Variants in ZBTB16 observed in about 807,000 individuals in gnomAD.
The protein encoded by ZBTB16 is zinc finger and BTB domain containing 16.
In ZBTB16, 8 loss-of-function variants were observed where a neutral mutation model predicts 56.8. The ratio of observed to expected loss-of-function variants is 0.14; its 90% CI spans 0.08 to 0.25. ZBTB16 has a LOEUF of 0.25. Among genes scored for constraint, ZBTB16 ranks in the 10% least tolerant of loss-of-function variants. ZBTB16 has a pLI of 1.00. For synonymous variants in ZBTB16, 363 were observed against 368.5 expected, an observed-to-expected ratio of 0.98 and a Z score of 0.17; for missense variants, 625 against 903.0, an observed-to-expected ratio of 0.69 and a Z score of 3.95.
At chr11:114,209,723 C>A (rs1273856900) in intron 4 of ZBTB16, 1 of 985,272 alleles carries the variant, frequency 1.0e-6, no homozygotes, top group Non-Finnish European at 1.2e-6. Flanking sequence ...AATTTCAGGC[C>A]CCCAGGCATG....
chr11:114,133,211 G>T (rs562370466), intron 2 of ZBTB16, among the ~76,000 whole-genome samples: 3 of 152,098 alleles, frequency 2.0e-5, no homozygotes, highest in Admixed American at 2.0e-4. Flanking sequence ...TGGTGGACGG[G>T]TCCATTTACA....
At chr11:114,145,144 A>G (rs550270012) in intron 2 of ZBTB16, among the ~76,000 whole-genome samples, 1 of 152,366 alleles carries the variant, frequency 6.6e-6, no homozygotes, top group African/African-American at 2.4e-5. Flanking sequence ...CAGCAGAGGA[A>G]ATCTTTATTC....
Position 114,064,494 on chromosome 11 carries a change from G to T in ZBTB16, c.1194G>T (p.Glu398Asp). The change falls in exon 2 of 7, where the codon GAG (glutamate) becomes GAT (aspartate). Residue 398 changes from glutamate to aspartate, a missense_variant. Around this residue, in one of 6 missense-constraint regions of ZBTB16, gnomAD observed 384 missense variants for 393.5 expected, o/e 0.98. Coordinates refer to ENST00000335953, the MANE Select transcript of ZBTB16 (RefSeq NM_006006.6). This position sits in a 1 kb window ranked among gnomAD's most constrained non-coding sequence, Gnocchi z 4.2. ...AGCTGGCTGTGGGCATGAAGTCAGA[G>T]AGCCGGACCATCGGAGAGCAGTGCA... is the stretch of plus-strand genomic sequence containing the variant. ...LGELAVGMKS[E>D]SRTIGEQCSV... 2 of 1,614,144 alleles carry T rather than the reference G, an allele frequency of 1.2e-6. No homozygotes were observed. Among genetic ancestry groups the T allele is most frequent in the South Asian group, 1.1e-5 (1 of 91,080 alleles).
chr11:114,064,153 C>T lies in ZBTB16; in HGVS notation c.853C>T (p.Arg285Ter). The change falls in exon 2 of 7, where the codon CGA becomes TGA. Residue 285 changes from arginine (R) to a stop codon, truncating the protein, a stop_gained. Coordinates refer to ENST00000335953, the MANE Select transcript of ZBTB16 (RefSeq NM_006006.6). LOFTEE classifies it high-confidence loss of function. This position sits in a 1 kb window ranked among gnomAD's most constrained non-coding sequence, Gnocchi z 4.2. Reference protein sequence around the residue: ...RGKEGPGTPTRSSVITSAREL... With the variant: ...RGKEGPGTPT ...CAAAGAGGGGCCTGGGACCCCGACT[C>T]GAAGCAGCGTCATCACCAGTGCTAG... The T allele has an allele frequency of 6.2e-7, 1 of 1,613,772 alleles. No individual in the cohort carries two copies. The highest frequency in any genetic ancestry group is 8.5e-7 in the Non-Finnish European group (1 of 1,180,008).
chr11:114,065,566 A>G (rs1318697009), intron 2 of ZBTB16, among the ~76,000 whole-genome samples: 2 of 152,102 alleles, frequency 1.3e-5, no homozygotes, highest in African/African-American at 4.8e-5. Context: ...ACAGGCACGC[A>G]CCACCATACC....
Position 114,255,735 on chromosome 11 carries a change from G to A in ZBTB16, c.*5180G>A, listed in dbSNP as rs201816653. On this transcript the variant is annotated 3_prime_UTR_variant, in exon 7 of 7. Transcript: ENST00000335953. ...ACAAGATTTAAAAAAAAAAAAAAAG[G>A]AAAAAAAAAGAAAAAATGAATTTAC... is the stretch of plus-strand genomic sequence containing the variant. Among the ~76,000 whole-genome samples, 12 of 140,284 alleles carry A rather than the reference G, an allele frequency of 8.6e-5. No homozygotes were observed. The highest frequency in any genetic ancestry group is 2.3e-4 in the South Asian group (1 of 4,310). The allele number at this position is 140,284 out of a possible 152,430, so 92.0% of individuals were successfully genotyped here.
intron 2 of ZBTB16, among the ~76,000 whole-genome samples, chr11:114,105,569 G>A (rs1940762682): frequency 6.6e-6 from 1 of 152,174 alleles, no homozygotes; most frequent in Non-Finnish European, 1.5e-5. Context: ...GCTGAGTGGG[G>A]CTGCTTTTTG....
chr11:114,207,183 T>C (rs556978214), intron 4 of ZBTB16, among the ~76,000 whole-genome samples: 1 of 152,234 alleles, frequency 6.6e-6, no homozygotes, highest in Admixed American at 6.5e-5. Flanking sequence ...CTCTCTCTTA[T>C]CCTTCAAAGC....
chr11:114,208,176 C>T (rs1336075692), intron 4 of ZBTB16, among the ~76,000 whole-genome samples: 1 of 152,158 alleles, frequency 6.6e-6, no homozygotes, highest in South Asian at 2.1e-4. Context: ...GCTATCTTGC[C>T]ACTGCACGAG....
intron 2 of ZBTB16, among the ~76,000 whole-genome samples, chr11:114,135,466 C>T (rs112127103): frequency 6.6e-5 from 10 of 152,250 alleles, no homozygotes; most frequent in Admixed American, 4.6e-4. Context: ...ATAACCTCAA[C>T]GGTCTTTAAA....
intron 2 of ZBTB16, among the ~76,000 whole-genome samples, chr11:114,145,228 T>C (rs966296570): frequency 2.0e-5 from 3 of 152,254 alleles, no homozygotes; most frequent in African/African-American, 4.8e-5. Context: ...TGTAAAATGG[T>C]ATAGCTGCTT....
chr11:114,081,699 G>A (rs999217925), intron 2 of ZBTB16, among the ~76,000 whole-genome samples: 2 of 152,154 alleles, frequency 1.3e-5, no homozygotes, highest in African/African-American at 4.8e-5. Flanking sequence ...GGATGAAGTA[G>A]CACATGAGTA....
chr11:114,179,042 C>T (rs931843556), intron 3 of ZBTB16, among the ~76,000 whole-genome samples: 45 of 152,170 alleles, frequency 3.0e-4, no homozygotes, highest in Admixed American at 2.9e-3. Context: ...TTCACCCTCC[C>T]ATCTTGTAGT....
At chr11:114,239,794 C>T (rs590762) in intron 4 of ZBTB16, among the ~76,000 whole-genome samples, 108,694 of 152,108 alleles carry the variant, frequency 0.71, 40,561 homozygotes, top group South Asian at 0.83. Flanking sequence ...CTTACTGGGC[C>T]TCTTCCAGGG....
intron 2 of ZBTB16, among the ~76,000 whole-genome samples, chr11:114,095,471 AGGAT>A (rs1940363881): frequency 6.6e-6 from 1 of 151,994 alleles, no homozygotes; most frequent in African/African-American, 2.4e-5. Context: ...CGTGTTAGCC[AGGAT>A]GGTCACAATC....
chr11:114,190,307 T>C (rs921085697), intron 4 of ZBTB16, among the ~76,000 whole-genome samples: 12 of 152,078 alleles, frequency 7.9e-5, no homozygotes, highest in African/African-American at 2.9e-4. Flanking sequence ...GATAAACCCA[T>C]CATAAGTAGA....
At chr11:114,089,296 T>C (rs670956) in intron 2 of ZBTB16, among the ~76,000 whole-genome samples, 127,816 of 152,144 alleles carry the variant, frequency 0.84, 53,967 homozygotes, top group East Asian at 0.93. Context: ...GTATTCAGTA[T>C]CTCTTGCTGG....
intron 3 of ZBTB16, 134 bp from the exon 4 acceptor site, chr11:114,186,818 A>G (rs908934735): frequency 2.5e-6 from 2 of 800,348 alleles, no homozygotes; most frequent in African/African-American, 1.7e-5. Flanking sequence ...TGAGCCATGG[A>G]TGATCCCTCA....
chr11:114,234,194 G>A (rs918753421), intron 4 of ZBTB16, among the ~76,000 whole-genome samples: 6 of 152,184 alleles, frequency 3.9e-5, no homozygotes, highest in African/African-American at 1.4e-4. Context: ...GAAGGAAAAA[G>A]GGGCAGAGAG....
Sources: gnomAD v4.1 joint callset for allele counts (sites outside exome capture counted in the v4.1 genomes callset) on GRCh38, gnomAD v4.1.1 for gene constraint, gnomAD v4.1.1 regional missense constraint, Gnocchi (gnomAD v3.1) non-coding constraint, MANE v1.5 for transcripts, NCBI Gene and HGNC (gene_info 2026-07-23, HGNC 2026-07-21) for gene names.